The following CPE variants were observed in gnomAD, a reference collection of about 807,000 sequenced individuals.
CPE encodes the protein carbocypeptidase E.
CPE carries 17 observed loss-of-function variants against 53.5 expected under a neutral mutation model. The ratio of observed to expected loss-of-function variants is 0.32; its 90% confidence interval spans 0.22 to 0.48. The LOEUF (loss-of-function observed/expected upper bound fraction) is 0.48, where lower values mean the gene tolerates loss of function less well. CPE is among the 20% of genes least tolerant of loss of function. The probability of loss-of-function intolerance (pLI) is 0.99; values close to 1 mark genes in which losing one functional copy is unlikely to be tolerated. For missense variants in CPE, 524 were observed against 614.7 expected, an observed-to-expected ratio of 0.85 and a Z score of 1.56; for synonymous variants, 226 against 228.8, an observed-to-expected ratio of 0.99 and a Z score of 0.11.
chr4:165,383,113 A>T (rs1301632060), intron 1 of CPE, among the ~76,000 whole-genome samples: 3 of 152,094 alleles, frequency 2.0e-5, no homozygotes, highest in African/African-American at 4.8e-5. Flanking sequence ...TGGACCCCAG[A>T]TGGGTTTCCT....
intron 1 of CPE, among the ~76,000 whole-genome samples, chr4:165,391,563 T>G (rs1433247784): frequency 6.6e-6 from 1 of 152,114 alleles, no homozygotes; most frequent in Non-Finnish European, 1.5e-5. Flanking sequence ...CACCAGGCAT[T>G]TGGAAATTCC....
chr4:165,387,683 C>T (rs1730616825), intron 1 of CPE, among the ~76,000 whole-genome samples: 2 of 152,142 alleles, frequency 1.3e-5, no homozygotes, highest in Admixed American at 1.3e-4. Context: ...GTGGCACATG[C>T]CTGTAATCCC....
chr4:165,398,784 G>A (rs1730817452), intron 1 of CPE, among the ~76,000 whole-genome samples: 1 of 152,138 alleles, frequency 6.6e-6, no homozygotes. Flanking sequence ...TTGTTGAGTG[G>A]CATTAATATG....
chr4:165,457,733 C>G (rs1002087553), intron 1 of CPE, among the ~76,000 whole-genome samples: 4 of 152,182 alleles, frequency 2.6e-5, no homozygotes, highest in African/African-American at 4.8e-5. Context: ...AAATTTCACT[C>G]TGAAGGAAGA....
At position 165,379,082 on chromosome 4, in the gene CPE, C is replaced by T; in HGVS notation, c.-140C>T. 1 of 771,336 alleles carries T rather than the reference C, an allele frequency of 1.3e-6. No homozygotes were observed. Among genetic ancestry groups the T allele is most frequent in the East Asian group, 3.9e-5 (1 of 25,322 alleles). 47.8% of individuals were successfully genotyped at this position (771,336 alleles called of 1,614,324 possible). On this transcript the variant is annotated 5_prime_UTR_variant, in exon 1 of 9. Transcript: ENST00000402744. The surrounding 1 kb of genome is among the most constrained non-coding windows in gnomAD (Gnocchi z 6.0). ...CCCAGTGCGCGGGCTGACACTCATTCAGCCGGGGAAGGTGAGGCGAGTAGA... is the reference window on the plus strand; with the variant it reads ...CCCAGTGCGCGGGCTGACACTCATTTAGCCGGGGAAGGTGAGGCGAGTAGA...
rs1252859758 is a variant in CPE at position 165,417,983 on chromosome 4, CA to C, written c.307+38458del. Among the ~76,000 whole-genome samples the C allele has an allele frequency of 7.9e-5, 12 of 152,240 alleles. No individual in the cohort carries two copies. The East Asian group carries it at 1.2e-3, about 15-fold the overall frequency. On this transcript the variant is annotated intron_variant, in intron 1 of 8. Transcript: ENST00000402744. ...TGCAACTTATGAAGGACCTCAAGAT[CA>C]AATTCATGTCGTACTCTTGGAATTG...
intron 1 of CPE, among the ~76,000 whole-genome samples, chr4:165,461,740 T>C (rs747956217): frequency 2.0e-5 from 3 of 152,212 alleles, no homozygotes; most frequent in Non-Finnish European, 2.9e-5. Context: ...TCCCATGTAG[T>C]GTCTGACCCT....
intron 1 of CPE, among the ~76,000 whole-genome samples, chr4:165,444,221 C>A (rs1257567968): frequency 2.0e-5 from 3 of 152,118 alleles, no homozygotes; most frequent in African/African-American, 7.2e-5. Context: ...CATGGAGTAA[C>A]CTTGCCCAAA....
At chr4:165,433,292 C>T (rs1731442093) in intron 1 of CPE, among the ~76,000 whole-genome samples, 1 of 151,994 alleles carries the variant, frequency 6.6e-6, no homozygotes, top group Non-Finnish European at 1.5e-5. Flanking sequence ...TGGCTTTTAT[C>T]TCTCTCCTGA....
chr4:165,393,958 G>T (rs543279863), intron 1 of CPE, among the ~76,000 whole-genome samples: 1 of 152,294 alleles, frequency 6.6e-6, no homozygotes, highest in African/African-American at 2.4e-5. Flanking sequence ...AGCTTTTGTT[G>T]GAAGACTGCT....
At chr4:165,433,164 A>C (rs796365960) in intron 1 of CPE, among the ~76,000 whole-genome samples, 5 of 152,338 alleles carry the variant, frequency 3.3e-5, no homozygotes, top group African/African-American at 1.2e-4. Context: ...TGGTTATTTC[A>C]AAGTTACTTT....
At chr4:165,472,305 G>T (rs530609387) in intron 3 of CPE, among the ~76,000 whole-genome samples, 2 of 152,286 alleles carry the variant, frequency 1.3e-5, no homozygotes, top group African/African-American at 4.8e-5. Context: ...AAGAGTGCCT[G>T]CCAGAGTCCT....
rs976331601 is a variant in CPE, at chr4:165,379,145, G to A, written c.-77G>A. ...ACTTGCCGCCCCCAGCAGCGCCGGC[G>A]GGCTAAGCCCAGGGCCGGGCAGACA... is the stretch of plus-strand genomic sequence containing the variant. On this transcript the variant is annotated 5_prime_UTR_variant, in exon 1 of 9. Transcript: ENST00000402744. This position sits in a 1 kb window ranked among gnomAD's most constrained non-coding sequence, Gnocchi z 6.0. 3.3e-5 allele frequency: 39 copies of A among 1,171,092 alleles called. No homozygotes were observed. In the South Asian group the frequency reaches 1.2e-3, roughly 35 times the overall value. 72.5% of individuals were successfully genotyped at this position (1,171,092 alleles called of 1,614,324 possible).
At chr4:165,425,657 C>T (rs1364915765) in intron 1 of CPE, among the ~76,000 whole-genome samples, 2 of 102,686 alleles carry the variant, frequency 1.9e-5, no homozygotes, top group African/African-American at 4.5e-5. Flanking sequence ...CAAATATTTC[C>T]TCAAAAAAAA....
intron 3 of CPE, among the ~76,000 whole-genome samples, chr4:165,471,215 T>C (rs535375558): frequency 6.6e-6 from 1 of 152,310 alleles, no homozygotes; most frequent in Non-Finnish European, 1.5e-5. Flanking sequence ...TTCCAATGTG[T>C]TCCCAGAATT....
At position 165,392,910 on chromosome 4, in the gene CPE, A is replaced by G. The variant is rs190803473; in HGVS notation, c.307+13382A>G. ...AATATATATATAAATCAAACATAAT[A>G]CAGTTATATAGTATATAATTATAAG... On this transcript the variant is annotated intron_variant, in intron 1 of 8. Transcript: ENST00000402744. Among the ~76,000 whole-genome samples, 43 of 149,306 alleles carry G rather than the reference A, an allele frequency of 2.9e-4. 1 individual carries two copies. The highest frequency in any genetic ancestry group is 1.0e-3 in the South Asian group (5 of 4,784).
intron 1 of CPE, among the ~76,000 whole-genome samples, chr4:165,433,890 C>T (rs531651083): frequency 1.3e-5 from 2 of 152,226 alleles, no homozygotes; most frequent in African/African-American, 4.8e-5. Context: ...TTTTGAGCCC[C>T]TTCCTTCTTG....
chr4:165,417,788 AAAG>A (rs1271781865), intron 1 of CPE, among the ~76,000 whole-genome samples: 83 of 139,302 alleles, frequency 6.0e-4, no homozygotes, highest in African/African-American at 2.1e-3. Context: ...AAAAAAAAAA[AAAG>A]ACATTAAATC....
chr4:165,490,505 T>C (rs1396347638), intron 6 of CPE, among the ~76,000 whole-genome samples: 1 of 151,748 alleles, frequency 6.6e-6, no homozygotes, highest in Non-Finnish European at 1.5e-5. Flanking sequence ...TGGTGGCATG[T>C]GCCTGTAGTC....
Sources: gnomAD v4.1 joint callset for allele counts (sites outside exome capture counted in the v4.1 genomes callset) on GRCh38, gnomAD v4.1.1 for gene constraint, Gnocchi (gnomAD v3.1) non-coding constraint, MANE v1.5 for transcripts, NCBI Gene and HGNC (gene_info 2026-07-23, HGNC 2026-07-21) for gene names.